The following ZNF554 variants were observed in gnomAD, a reference collection of about 807,000 sequenced individuals.
ZNF554 encodes zinc finger protein 554.
Under a neutral mutation model 21.2 loss-of-function variants are expected in ZNF554, and 15 were observed. That is an observed-to-expected ratio of 0.71 (90% CI 0.47 to 1.09). The LOEUF is 1.09. ZNF554 is among the 50% of genes least tolerant of loss of function. The pLI is 0.00. For synonymous variants in ZNF554, 258 were observed against 251.4 expected, an observed-to-expected ratio of 1.03 and a Z score of -0.25; for missense variants, 691 against 662.7, an observed-to-expected ratio of 1.04 and a Z score of -0.47.
rs369869708 is a variant in ZNF554, at chr19:2,834,340, C to T, written c.1105C>T (p.Arg369Cys). 121 of 1,613,708 alleles carry T rather than the reference C, an allele frequency of 7.5e-5. 1 individual carries two copies. Among genetic ancestry groups the T allele is most frequent in the Non-Finnish European group, 9.2e-5 (108 of 1,179,944 alleles). Residue 369 changes from arginine to cysteine, a missense_variant, in exon 5 of 5, where the codon CGC becomes TGC. Arg to Cys is a radical substitution (Grantham distance 180). Transcript: ENST00000317243. The part of the protein sequence containing the change: ...RAFTHSSTLT[R>C]HLRTHTGEKP... Reference sequence around the variant, plus strand: ...CTTTACGCACAGCTCCACCCTCACGCGCCATCTGAGAACTCATACTGGAGA... The same window carrying T: ...CTTTACGCACAGCTCCACCCTCACGTGCCATCTGAGAACTCATACTGGAGA...
Position 2,836,265 on chromosome 19 carries a change from G to A in ZNF554, c.*1413G>A, listed in dbSNP as rs906220238. Among the ~76,000 whole-genome samples the A allele has an allele frequency of 5.9e-5, 9 of 151,590 alleles. No homozygotes were observed. The highest frequency in any genetic ancestry group is 1.2e-4 in the Non-Finnish European group (8 of 67,916). Reference sequence around the variant, plus strand: ...TGGGATTACGGGCGTGAGCCACTGTGCTGGGATTACGGGCGCGAGCCACTG... The same window carrying A: ...TGGGATTACGGGCGTGAGCCACTGTACTGGGATTACGGGCGCGAGCCACTG... On this transcript the variant is annotated 3_prime_UTR_variant, in exon 5 of 5. Coordinates refer to ENST00000317243, the MANE Select transcript of ZNF554 (RefSeq NM_001102651.2).
At position 2,833,793 on chromosome 19, in the gene ZNF554, G is replaced by C. The variant is rs2087452616; in HGVS notation, c.558G>C (p.Trp186Cys). 6.2e-7 allele frequency: 1 copy of C among 1,610,700 alleles called. No homozygotes were observed. The highest frequency in any genetic ancestry group is 8.5e-7 in the Non-Finnish European group (1 of 1,178,646). Reference sequence around the variant, plus strand: ...AGCTTATCAGAGAAGATGGGGGATGGAAGCAGTTAGAGGACAGCCATGAAG... The same window carrying C: ...AGCTTATCAGAGAAGATGGGGGATGCAAGCAGTTAGAGGACAGCCATGAAG... Reference protein sequence around the residue: ...MIKLIREDGGWKQLEDSHEDP... With the variant: ...MIKLIREDGGCKQLEDSHEDP... Residue 186 changes from tryptophan to cysteine, a missense_variant, in exon 5 of 5, where the codon TGG (tryptophan) becomes TGC (cysteine). Transcript: ENST00000317243.
chr19:2,833,694 A>G lies in ZNF554; in HGVS notation c.459A>G (p.Val153=), dbSNP rs36084282. The part of the protein sequence containing the change: ...PQASCSDWMT[V]LRNQDSTYKK... ...AATTTATTTCAGATTGGATGACTGT[A>G]CTAAGAAACCAAGACTCAACTTACA... The change falls in exon 5 of 5, where the codon GTA becomes GTG. Residue 153 remains valine (V), a synonymous_variant. Transcript: ENST00000317243. 2.2e-3 allele frequency: 3,279 copies of G among 1,525,008 alleles called. 57 individuals are homozygous for G. In the African/African-American group the frequency reaches 0.04, roughly 19 times the overall value. 94.5% of individuals were successfully genotyped at this position (1,525,008 alleles called of 1,614,324 possible). A position where few individuals can be genotyped will look rare whatever the true frequency, so the allele number is the denominator to read the frequency against.
rs188987627 is a variant in ZNF554, at chr19:2,821,192, T to G, written c.53+1068T>G. On this transcript the variant is annotated intron_variant, in intron 1 of 4. Coordinates refer to ENST00000317243, the MANE Select transcript of ZNF554 (RefSeq NM_001102651.2). The surrounding 1 kb of genome is among the most constrained non-coding windows in gnomAD (Gnocchi z 8.2). ...GCATCCACCTCGTGGGTTCAAGTGA[T>G]TCTCCTGCCTCAGCCTCCCAAGTAG... Among the ~76,000 whole-genome samples, 742 of 151,406 alleles carry G rather than the reference T, an allele frequency of 4.9e-3. 6 individuals carry two copies. The highest frequency in any genetic ancestry group is 8.2e-3 in the Non-Finnish European group (560 of 67,916).
chr19:2,820,684 C>CTTTTTGTTTTTTTT (rs2087250509), intron 1 of ZNF554, among the ~76,000 whole-genome samples: 1 of 103,192 alleles, frequency 9.7e-6, no homozygotes, highest in Non-Finnish European at 2.0e-5. Context: ...AGCAAGGGTC[C>CTTTTTGTTTTTTTT]TTTTTTTTTT....
Position 2,833,681 on chromosome 19 carries a change from A to T in ZNF554, c.446A>T (p.Asp149Val), listed in dbSNP as rs2087450198. Reference protein sequence around the residue: ...EKGTPQASCSDWMTVLRNQDS... With the variant: ...EKGTPQASCSVWMTVLRNQDS... Reference sequence around the variant, plus strand: ...TGGTTTCCGCCTCAATTTATTTCAGATTGGATGACTGTACTAAGAAACCAA... The same window carrying T: ...TGGTTTCCGCCTCAATTTATTTCAGTTTGGATGACTGTACTAAGAAACCAA... Residue 149 changes from aspartate (D) to valine (V), a missense_variant and splice_region_variant, in exon 5 of 5, where the codon GAT (aspartate) becomes GTT (valine). Physicochemically the swap from Asp to Val is radical, Grantham distance 152. Transcript: ENST00000317243. 6.6e-7 allele frequency: 1 copy of T among 1,513,676 alleles called. No homozygotes were observed. The highest frequency in any genetic ancestry group is 2.3e-5 in the Admixed American group (1 of 43,846). 93.8% of individuals were successfully genotyped at this position (1,513,676 alleles called of 1,614,324 possible).
At chr19:2,820,684 C>CTTTTTTTTTTTTTTGTTTTTTTTT (rs2087250668) in intron 1 of ZNF554, among the ~76,000 whole-genome samples, 1 of 103,192 alleles carries the variant, frequency 9.7e-6, no homozygotes, top group Admixed American at 1.0e-4. Context: ...AGCAAGGGTC[C>CTTTTTTTTTTTTTTGTTTTTTTTT]TTTTTTTTTT....
intron 3 of ZNF554, among the ~76,000 whole-genome samples, chr19:2,828,206 T>A (rs1031264325): frequency 2.0e-5 from 3 of 152,202 alleles, no homozygotes; most frequent in Non-Finnish European, 4.4e-5. Context: ...CATTGGTAAG[T>A]AAGACAGACA....
rs747786525 is a variant in ZNF554, at chr19:2,832,277, C to G, written c.254-26C>G. The G allele has an allele frequency of 3.9e-6, 6 of 1,544,916 alleles. No individual in the cohort carries two copies. In the South Asian group the frequency reaches 6.3e-5, roughly 16 times the overall value. ...ATAAAATCATTATCTTGTGCTACCT[C>G]TCAAGTATACTCTTGTCTTTTTCAG... On this transcript the variant is annotated intron_variant, in intron 3 of 4. Coordinates refer to ENST00000317243, the MANE Select transcript of ZNF554 (RefSeq NM_001102651.2).
Position 2,820,079 on chromosome 19 carries a change from C to T in ZNF554, c.8C>T (p.Thr3Ile). 1.6e-6 allele frequency: 2 copies of T among 1,213,694 alleles called. No homozygotes were observed. The highest frequency in any genetic ancestry group is 2.0e-6 in the Non-Finnish European group (2 of 975,920). The allele number at this position is 1,213,694 out of a possible 1,614,324, so 75.2% of individuals were successfully genotyped here. A position where few individuals can be genotyped will look rare whatever the true frequency, so the allele number is the denominator to read the frequency against. ...GCCTCAGCGCGCGCCCCGATGGTCA[C>T]CTGCGCCCACCTGGGCCGGCGCGCG... MV[T>I]CAHLGRRARL... Residue 3 changes from threonine to isoleucine, a missense_variant, in exon 1 of 5, where the codon ACC becomes ATC. Coordinates refer to ENST00000317243, the MANE Select transcript of ZNF554 (RefSeq NM_001102651.2).
rs762586098 is a variant in ZNF554, at chr19:2,820,684, C to CTTTTTTTTTTTTTTTTTTTTT, written c.53+576_53+577insTTTTTTTTTTTTTTTTTTTTT. On this transcript the variant is annotated intron_variant, in intron 1 of 4. Transcript: ENST00000317243. ...TCCTGGTGATAAGACAGCAAGGGTC[C>CTTTTTTTTTTTTTTTTTTTTT]TTTTTTTTTTTTTTTTGAGACGGAG... Among the ~76,000 whole-genome samples the CTTTTTTTTTTTTTTTTTTTTT allele has an allele frequency of 5.3e-3, 548 of 103,064 alleles. 73 individuals are homozygous for CTTTTTTTTTTTTTTTTTTTTT. The highest frequency in any genetic ancestry group is 0.017 in the African/African-American group (453 of 26,054). 67.6% of individuals were successfully genotyped at this position (103,064 alleles called of 152,430 possible).
chr19:2,827,304 A>G (rs2087348507), intron 2 of ZNF554, among the ~76,000 whole-genome samples: 1 of 152,238 alleles, frequency 6.6e-6, no homozygotes, highest in South Asian at 2.1e-4. Flanking sequence ...CAGCAGGGGG[A>G]GATTCTCACA....
chr19:2,825,117 A>T (rs1211955055), intron 2 of ZNF554, among the ~76,000 whole-genome samples: 1 of 145,212 alleles, frequency 6.9e-6, no homozygotes, highest in Admixed American at 7.4e-5. Flanking sequence ...AGCTCAAGCT[A>T]TTCTTGTGTC....
At chr19:2,824,292 C>T (rs2087299758) in intron 2 of ZNF554, among the ~76,000 whole-genome samples, 1 of 152,210 alleles carries the variant, frequency 6.6e-6, no homozygotes, top group African/African-American at 2.4e-5. Flanking sequence ...GGTCTGGCAG[C>T]TTCAGCTGCA....
Position 2,834,441 on chromosome 19 carries a change from C to A in ZNF554, c.1206C>A (p.His402Gln), listed in dbSNP as rs2087469485. 2 of 1,613,938 alleles carry A rather than the reference C, an allele frequency of 1.2e-6. No homozygotes were observed. The highest frequency in any genetic ancestry group is 1.7e-6 in the Non-Finnish European group (2 of 1,180,034). The change falls in exon 5 of 5, where the codon CAC (histidine) becomes CAA (glutamine). Residue 402 changes from histidine to glutamine, a missense_variant. His to Gln is a conservative substitution (Grantham distance 24). Coordinates refer to ENST00000317243, the MANE Select transcript of ZNF554 (RefSeq NM_001102651.2). ...CGCTGACTCAGCATCAGAGGATTCA[C>A]ACCGGGGAAAAGCCCTATAAATGTG... ...ISSLTQHQRIHTGEKPYKCED... is the reference protein window; with the variant it reads ...ISSLTQHQRIQTGEKPYKCED...
In ZNF554 at chr19:2,819,889, C is replaced by G. The variant is rs915103641; in HGVS notation, c.-183C>G. Reference sequence around the variant, plus strand: ...GCGCAGTGCCGAGTTTACCTCTGCGCGCGTCGGGGTTGGTGGCGGCGGCTG... The same window carrying G: ...GCGCAGTGCCGAGTTTACCTCTGCGGGCGTCGGGGTTGGTGGCGGCGGCTG... On this transcript the variant is annotated 5_prime_UTR_variant, in exon 1 of 5. Transcript: ENST00000317243. The G allele has an allele frequency of 5.9e-6, 2 of 338,676 alleles. No homozygotes were observed. Among genetic ancestry groups the G allele is most frequent in the Non-Finnish European group, 1.0e-5 (2 of 194,416 alleles). 21.0% of individuals were successfully genotyped at this position (338,676 alleles called of 1,614,324 possible).
In ZNF554 at chr19:2,832,486, C is replaced by G. The variant is rs201436251; in HGVS notation, c.437C>G (p.Ser146Cys). 1 of 1,600,926 alleles carries G rather than the reference C, an allele frequency of 6.2e-7. No individual in the cohort carries two copies. The highest frequency in any genetic ancestry group is 8.5e-7 in the Non-Finnish European group (1 of 1,175,584). The change falls in exon 4 of 5, where the codon TCC becomes TGC. Residue 146 changes from serine to cysteine, a missense_variant. Ser to Cys is a moderately radical substitution (Grantham distance 112, BLOSUM62 -1). Coordinates refer to ENST00000317243, the MANE Select transcript of ZNF554 (RefSeq NM_001102651.2). ...WIEEKGTPQA[S>C]CSDWMTVLRN... ...GAGGAAAAAGGAACTCCTCAAGCCT[C>G]CTGTTCAGGTGAGAATCAGGCAGAT...
chr19:2,822,941 G>T lies in ZNF554; in HGVS notation c.54-99G>T. Reference sequence around the variant, plus strand: ...CAGTTTACCTCCCTCTGTGTATGGGGGGCCCCTTCAAGCAAATGGAGGTTC... The same window carrying T: ...CAGTTTACCTCCCTCTGTGTATGGGTGGCCCCTTCAAGCAAATGGAGGTTC... On this transcript the variant is annotated intron_variant, in intron 1 of 4. Coordinates refer to ENST00000317243, the MANE Select transcript of ZNF554 (RefSeq NM_001102651.2). The T allele has an allele frequency of 4.7e-6, 6 of 1,277,842 alleles. 1 individual carries two copies. Among genetic ancestry groups the T allele is most frequent in the South Asian group, 2.7e-5 (2 of 75,398 alleles). 79.2% of individuals were successfully genotyped at this position (1,277,842 alleles called of 1,614,324 possible). A position where few individuals can be genotyped will look rare whatever the true frequency, so the allele number is the denominator to read the frequency against.
In ZNF554 at chr19:2,821,274, A is replaced by G. The variant is rs1016569237; in HGVS notation, c.53+1150A>G. 6.6e-6 allele frequency among the ~76,000 whole-genome samples: 1 copy of G among 151,542 alleles called. No individual in the cohort carries two copies. The highest frequency in any genetic ancestry group is 2.4e-5 in the African/African-American group (1 of 40,966). ...GCTAATTTTTATATTTTTAGTAGATACAGAGTTTCTCCATGTTGGCCAGCC... is the reference window on the plus strand; with the variant it reads ...GCTAATTTTTATATTTTTAGTAGATGCAGAGTTTCTCCATGTTGGCCAGCC... On this transcript the variant is annotated intron_variant, in intron 1 of 4. Coordinates refer to ENST00000317243, the MANE Select transcript of ZNF554 (RefSeq NM_001102651.2). The surrounding 1 kb of genome is among the most constrained non-coding windows in gnomAD (Gnocchi z 8.2).
Sources: gnomAD v4.1 joint callset for allele counts (sites outside exome capture counted in the v4.1 genomes callset) on GRCh38, gnomAD v4.1.1 for gene constraint, Gnocchi (gnomAD v3.1) non-coding constraint, MANE v1.5 for transcripts, NCBI Gene and HGNC (gene_info 2026-07-23, HGNC 2026-07-21) for gene names.